The following ARHGEF1 variants were observed in gnomAD, a reference collection of about 807,000 sequenced individuals.
ARHGEF1 encodes Rho guanine nucleotide exchange factor 1, also known as 115 kDa guanine nucleotide exchange factor.
ARHGEF1 carries 40 observed loss-of-function variants against 119.7 expected under a neutral mutation model. The ratio of observed to expected loss-of-function variants is 0.33; its 90% confidence interval spans 0.26 to 0.44. The LOEUF (loss-of-function observed/expected upper bound fraction) is 0.44, where lower values mean the gene tolerates loss of function less well. Ranked by LOEUF, ARHGEF1 falls within the 20% of genes least tolerant of loss-of-function variation. The pLI, the probability that ARHGEF1 is intolerant of heterozygous loss-of-function variation, is 1.00. For missense variants in ARHGEF1, 976 were observed against 1,268.3 expected, an observed-to-expected ratio of 0.77 and a Z score of 3.50; for synonymous variants, 494 against 521.0, an observed-to-expected ratio of 0.95 and a Z score of 0.71.
chr19:41,913,025 TCCCAGGTCCCCAC>T, intron 18 of ARHGEF1: 1 of 470,906 alleles, frequency 2.1e-6, no homozygotes, highest in African/African-American at 2.0e-5. Context: ...CCTTCCCCTC[TCCCAGGTCCCCAC>T]CCCAGCCTGA....
chr19:41,908,362 G>C, downstream of ARHGEF1: 2 of 1,231,436 alleles, frequency 1.6e-6, no homozygotes, highest in Non-Finnish European at 2.0e-6. The surrounding 1 kb of genome is among the most constrained non-coding windows in gnomAD (Gnocchi z 6.7). Context: ...TTCCCACCAA[G>C]GGCAGCCTCT....
rs768653813 is a variant in ARHGEF1, at chr19:41,906,945, G to T, written c.*17+142G>T. 2.1e-6 allele frequency: 2 copies of T among 952,776 alleles called. No homozygotes were observed. Among genetic ancestry groups the T allele is most frequent in the Non-Finnish European group, 1.5e-6 (1 of 658,336 alleles). The allele number at this position is 952,776 out of a possible 1,614,324, so 59.0% of individuals were successfully genotyped here. On this transcript the variant is annotated intron_variant, in intron 28 of 28. Coordinates refer to ENST00000354532, the MANE Select transcript of ARHGEF1 (RefSeq NM_004706.4). The surrounding 1 kb of genome is among the most constrained non-coding windows in gnomAD (Gnocchi z 4.5). The stretch of plus-strand genomic sequence containing the variant: ...ACTCCACCTCGTGTTTCTCATCTCT[G>T]TGTCTCTGTTTCTGATAATCTGTTT...
downstream of ARHGEF1, chr19:41,907,514 C>A: frequency 9.6e-7 from 1 of 1,044,212 alleles, no homozygotes; most frequent in Non-Finnish European, 1.3e-6. Context: ...CTGTGACTGT[C>A]TGGCGTTGAC....
rs1568834121 is a variant in ARHGEF1, at chr19:41,917,937, T to TCACACACTGTGTGTGTGTGC, written c.1866-5155_1866-5154insCACACACTGTGTGTGTGTGC. ...CGCGGTCACACACTGTGTGTGTGTG[T>TCACACACTGTGTGTGTGTGC]GCTCACACACCTGTCCGTCCAGACT... On this transcript the variant is annotated intron_variant, in intron 18 of 20. Coordinates refer to the ARHGEF1 transcript ENST00000599589. This position sits in a 1 kb window ranked among gnomAD's most constrained non-coding sequence, Gnocchi z 4.8. 6.6e-6 allele frequency among the ~76,000 whole-genome samples: 1 copy of TCACACACTGTGTGTGTGTGC among 151,452 alleles called. No individual in the cohort carries two copies. The highest frequency in any genetic ancestry group is 2.4e-5 in the African/African-American group (1 of 40,952).
Position 41,888,394 on chromosome 19 carries a change from T to C in ARHGEF1, c.111+116T>C. The C allele has an allele frequency of 1.9e-6, 2 of 1,031,700 alleles. No homozygotes were observed. The highest frequency in any genetic ancestry group is 1.4e-5 in the South Asian group (1 of 68,972). 63.9% of individuals were successfully genotyped at this position (1,031,700 alleles called of 1,614,324 possible). On this transcript the variant is annotated intron_variant, in intron 3 of 28. Coordinates refer to ENST00000354532, the MANE Select transcript of ARHGEF1 (RefSeq NM_004706.4). This position sits in a 1 kb window ranked among gnomAD's most constrained non-coding sequence, Gnocchi z 5.1. ...TTTTCCCACGGTCTGTCTCATCCTCTCATCTCCCTGGTACCTCCTTCCTCA... is the reference window on the plus strand; with the variant it reads ...TTTTCCCACGGTCTGTCTCATCCTCCCATCTCCCTGGTACCTCCTTCCTCA...
chr19:41,901,496 C>T (rs1311064837), intron 14 of ARHGEF1, among the ~76,000 whole-genome samples: 1 of 152,150 alleles, frequency 6.6e-6, no homozygotes, highest in Non-Finnish European at 1.5e-5. Context: ...AGCTGGGGTG[C>T]AGTAATGCCA....
intron 2 of ARHGEF1, chr19:41,929,011 A>T (rs781946373): frequency 2.4e-6 from 1 of 421,916 alleles, no homozygotes. Flanking sequence ...ACACACACTC[A>T]GGGACACACA....
At chr19:41,898,148 G>A in intron 13 of ARHGEF1, 22 of 1,400,634 alleles carry the variant, frequency 1.6e-5, no homozygotes, top group Admixed American at 6.7e-5. Flanking sequence ...CATCCACTAA[G>A]GCAGCCTGGA....
At position 41,904,499 on chromosome 19, in the gene ARHGEF1, G is replaced by A; in HGVS notation, c.2161+116G>A. On this transcript the variant is annotated intron_variant, in intron 22 of 28. Coordinates refer to ENST00000354532, the MANE Select transcript of ARHGEF1 (RefSeq NM_004706.4). This position sits in a 1 kb window ranked among gnomAD's most constrained non-coding sequence, Gnocchi z 8.4. ...CAGGGAGCCAGCATTCTAGCAAAGA[G>A]GTTGAGAAGTAGGTGGAGGTGGGCA... 7.7e-7 allele frequency: 1 copy of A among 1,294,644 alleles called. No individual in the cohort carries two copies. The highest frequency in any genetic ancestry group is 1.0e-6 in the Non-Finnish European group (1 of 967,126). The allele number at this position is 1,294,644 out of a possible 1,614,324, so 80.2% of individuals were successfully genotyped here. A position where few individuals can be genotyped will look rare whatever the true frequency, so the allele number is the denominator to read the frequency against.
upstream of ARHGEF1, among the ~76,000 whole-genome samples, chr19:41,918,232 TACACACCACAA>T (rs1397404629): frequency 6.6e-6 from 1 of 151,238 alleles, no homozygotes; most frequent in African/African-American, 2.4e-5. Flanking sequence ...ATACCACATA[TACACACCACAA>T]ACACACCATA....
At chr19:41,930,038 A>G (rs184994959) in exon 3 of ARHGEF1, 1 of 152,364 alleles carries the variant, frequency 6.6e-6, no homozygotes, top group Admixed American at 6.5e-5. Flanking sequence ...CGCAGGGCGC[A>G]TGGAGCACAG....
intron 1 of ARHGEF1, chr19:41,923,258 T>C (rs529881709): frequency 2.2e-6 from 1 of 446,458 alleles, no homozygotes; most frequent in South Asian, 1.6e-5. Context: ...AGGCCCCCGA[T>C]ATTTGTACTG....
chr19:41,894,255 G>A lies in ARHGEF1; in HGVS notation c.693G>A (p.Val231=), dbSNP rs1229596005. The change falls in exon 9 of 29, where the codon GTG becomes GTA. Residue 231 remains valine, a synonymous_variant. Coordinates refer to ENST00000354532, the MANE Select transcript of ARHGEF1 (RefSeq NM_004706.4). ...GCCTGTACATGCGCCACCTTGGGGTGCGGACCAAGAGTGGAGACAAGAAGT... is the reference window on the plus strand; with the variant it reads ...GCCTGTACATGCGCCACCTTGGGGTACGGACCAAGAGTGGAGACAAGAAGT... ...AIGLYMRHLG[V]RTKSGDKKSG... is the part of the protein sequence containing the mutation. 6 of 1,569,572 alleles carry A rather than the reference G, an allele frequency of 3.8e-6. No individual in the cohort carries two copies. The African/African-American group carries it at 4.1e-5, about 11-fold the overall frequency.
At chr19:41,912,788 G>A in intron 18 of ARHGEF1, 1 of 554,570 alleles carries the variant, frequency 1.8e-6, no homozygotes, top group Non-Finnish European at 2.7e-6. Context: ...GAGAGAAGGG[G>A]GATGCGGCTC....
downstream of ARHGEF1, chr19:41,909,065 C>T (rs1323997544): frequency 8.1e-7 from 1 of 1,231,248 alleles, no homozygotes; most frequent in Non-Finnish European, 1.0e-6. The surrounding 1 kb of genome is among the most constrained non-coding windows in gnomAD (Gnocchi z 5.2). Context: ...CTTACCAGAG[C>T]CCAGGAATGG....
At chr19:41,919,908 G>A (rs184287484), upstream of ARHGEF1, among the ~76,000 whole-genome samples, 113 of 152,026 alleles carry the variant, frequency 7.4e-4, no homozygotes, top group South Asian at 1.3e-3. Context: ...CACCACACAC[G>A]TCACACAGAC....
Position 41,892,897 on chromosome 19 carries a change from G to A in ARHGEF1, c.614+48G>A. The A allele has an allele frequency of 6.9e-7, 1 of 1,449,844 alleles. No homozygotes were observed. The highest frequency in any genetic ancestry group is 9.1e-7 in the Non-Finnish European group (1 of 1,101,762). The allele number at this position is 1,449,844 out of a possible 1,614,324, so 89.8% of individuals were successfully genotyped here. A position where few individuals can be genotyped will look rare whatever the true frequency, so the allele number is the denominator to read the frequency against. ...GAGCGTCGCCCCTCCCCAGCACAAG[G>A]GCACCCGTGCTACCTCTGGCATGTT... On this transcript the variant is annotated intron_variant, in intron 7 of 28. Transcript: ENST00000354532. The surrounding 1 kb of genome is among the most constrained non-coding windows in gnomAD (Gnocchi z 6.3).
intron 12 of ARHGEF1, 95 bp downstream of exon 12, chr19:41,895,581 C>A: frequency 7.5e-7 from 1 of 1,327,630 alleles, no homozygotes. Context: ...AAGCCATTCC[C>A]CAGCAACACC....
At chr19:41,913,033 C>T (rs1340156238) in intron 18 of ARHGEF1, 2 of 445,324 alleles carry the variant, frequency 4.5e-6, no homozygotes, top group Non-Finnish European at 7.4e-6. Flanking sequence ...TCTCCCAGGT[C>T]CCCACCCCAG....
Sources: allele counts gnomAD v4.1 joint callset (sites outside exome capture counted in the v4.1 genomes callset), GRCh38; gene constraint gnomAD v4.1.1; non-coding constraint Gnocchi (gnomAD v3.1); transcripts MANE v1.5; gene names NCBI Gene and HGNC (gene_info 2026-07-23, HGNC 2026-07-21).